Variants in ADAM23 observed in about 807,000 individuals in gnomAD.
ADAM23 encodes ADAM metallopeptidase domain 23, also known as disintegrin and metalloproteinase domain-containing protein 23.
Under a neutral mutation model 120.1 loss-of-function variants are expected in ADAM23, and 33 were observed. The observed-to-expected ratio is 0.27, with a 90% CI of 0.21 to 0.37. The LOEUF is 0.37. Among genes scored for constraint, ADAM23 ranks in the 10% least tolerant of loss-of-function variants. The pLI, the probability that ADAM23 is intolerant of heterozygous loss-of-function variation, is 1.00. For synonymous variants in ADAM23, 367 were observed against 375.2 expected (o/e 0.98, Z 0.25); for missense variants, 862 against 1,058.2 (o/e 0.81, Z 2.57).
At chr2:206,581,383 A>G (rs749651245) in intron 18 of ADAM23, among the ~76,000 whole-genome samples, 1 of 152,132 alleles carries the variant, frequency 6.6e-6, no homozygotes, top group Non-Finnish European at 1.5e-5. Context: ...TCCTGTTAGC[A>G]CCACCTTTGC....
chr2:206,468,929 CA>C (rs1695597328), intron 2 of ADAM23, among the ~76,000 whole-genome samples: 1 of 152,132 alleles, frequency 6.6e-6, no homozygotes, highest in African/African-American at 2.4e-5. Flanking sequence ...TTCACATGGC[CA>C]GAACAGGAGG....
intron 13 of ADAM23, 21 bp downstream of exon 13, chr2:206,562,314 A>G: frequency 6.3e-7 from 1 of 1,586,840 alleles, no homozygotes; most frequent in South Asian, 1.1e-5. Flanking sequence ...TGACCTTCTT[A>G]CTCATTTTCA....
rs550470223 is a variant in ADAM23, at chr2:206,617,900, A to C, written c.*273A>C. 7.0e-5 allele frequency: 30 copies of C among 426,768 alleles called. No homozygotes were observed. The highest frequency in any genetic ancestry group is 3.9e-4 in the African/African-American group (19 of 49,012). 26.4% of individuals were successfully genotyped at this position (426,768 alleles called of 1,614,324 possible). On this transcript the variant is annotated 3_prime_UTR_variant, in exon 26 of 26. Coordinates refer to ENST00000264377, the MANE Select transcript of ADAM23 (RefSeq NM_003812.4). ...CTGTTCCAGAATCTTTTTTTTCCCT[A>C]ATGGACGAAGGAACAACACACACAC...
intron 3 of ADAM23, among the ~76,000 whole-genome samples, chr2:206,530,087 G>T (rs1410806785): frequency 6.6e-6 from 1 of 152,132 alleles, no homozygotes; most frequent in African/African-American, 2.4e-5. Flanking sequence ...GGGATTACAG[G>T]CATGAGTCAC....
chr2:206,525,203 C>G (rs561964486), intron 3 of ADAM23, among the ~76,000 whole-genome samples: 1 of 151,978 alleles, frequency 6.6e-6, no homozygotes, highest in African/African-American at 2.4e-5. Flanking sequence ...TTTTTTTTAC[C>G]TAGTTCTGCT....
chr2:206,490,645 G>A (rs1696114652), intron 3 of ADAM23, among the ~76,000 whole-genome samples: 1 of 152,120 alleles, frequency 6.6e-6, no homozygotes, highest in African/African-American at 2.4e-5. Context: ...TGTCCTAGAG[G>A]CCTGATAGTA....
At chr2:206,602,077 T>G (rs1211056387) in intron 24 of ADAM23, among the ~76,000 whole-genome samples, 1 of 152,220 alleles carries the variant, frequency 6.6e-6, no homozygotes, top group African/African-American at 2.4e-5. Flanking sequence ...CACAAATCTT[T>G]GATTTTATAG....
At chr2:206,585,966 T>C (rs1254254640) in intron 18 of ADAM23, among the ~76,000 whole-genome samples, 1 of 152,356 alleles carries the variant, frequency 6.6e-6, no homozygotes, top group Admixed American at 6.5e-5. Flanking sequence ...GCATAGGTTC[T>C]ATAAAGGCCT....
At position 206,532,676 on chromosome 2, in the gene ADAM23, A is replaced by T. The variant is rs1249414675; in HGVS notation, c.573+1728A>T. ...ACACTATTTTATATCAAGATTTTTT[A>T]AATGTAGCAAAATTTTAAATATTTT... On this transcript the variant is annotated intron_variant, in intron 4 of 25. Coordinates refer to ENST00000264377, the MANE Select transcript of ADAM23 (RefSeq NM_003812.4). Among the ~76,000 whole-genome samples, 25 of 152,154 alleles carry T rather than the reference A, an allele frequency of 1.6e-4. 1 individual carries two copies. The highest frequency in any genetic ancestry group is 1.5e-4 in the Non-Finnish European group (10 of 68,022).
chr2:206,529,668 T>A (rs528756620), intron 3 of ADAM23, among the ~76,000 whole-genome samples: 1 of 152,276 alleles, frequency 6.6e-6, no homozygotes, highest in South Asian at 2.1e-4. Context: ...AAAGCTGAGA[T>A]TACAAGTGTG....
chr2:206,464,581 AAATAAT>A (rs571927947), intron 2 of ADAM23, among the ~76,000 whole-genome samples: 7 of 151,906 alleles, frequency 4.6e-5, no homozygotes, highest in African/African-American at 7.2e-5. Context: ...TCAAAAAAAA[AAATAAT>A]AATAATAATA....
chr2:206,513,084 AAC>A (rs1227359053), intron 3 of ADAM23, among the ~76,000 whole-genome samples: 6 of 152,210 alleles, frequency 3.9e-5, no homozygotes, highest in East Asian at 3.9e-4. Flanking sequence ...TATTCCATGA[AAC>A]ACAACAATTT....
rs554822809 is a variant in ADAM23 at position 206,545,346 on chromosome 2, C to T, written c.720+2030C>T. On this transcript the variant is annotated intron_variant, in intron 6 of 25. Transcript: ENST00000264377. ...ACTAAAAATACAAAAATTAGCTGGG[C>T]GTGGTGACGGGAGCCTGTAATCCCA... Among the ~76,000 whole-genome samples the T allele has an allele frequency of 5.7e-3, 874 of 152,090 alleles. 1 individual carries two copies. The highest frequency in any genetic ancestry group is 8.3e-3 in the Non-Finnish European group (565 of 67,992).
chr2:206,520,972 A>G (rs1696831147), intron 3 of ADAM23, among the ~76,000 whole-genome samples: 1 of 151,606 alleles, frequency 6.6e-6, no homozygotes, highest in Non-Finnish European at 1.5e-5. Context: ...TTCCTGTTTC[A>G]TGGATTTGTA....
chr2:206,502,593 T>G (rs149774838), intron 3 of ADAM23, among the ~76,000 whole-genome samples: 1 of 152,246 alleles, frequency 6.6e-6, no homozygotes, highest in East Asian at 1.9e-4. Context: ...TTAATTGTCT[T>G]TCACATTTAT....
chr2:206,541,949 C>T, intron 4 of ADAM23, 103 bp from the exon 5 acceptor site: 1 of 1,162,260 alleles, frequency 8.6e-7, no homozygotes, highest in Non-Finnish European at 1.3e-6. Context: ...TAATACAGTG[C>T]ACATATATGC....
intron 24 of ADAM23, among the ~76,000 whole-genome samples, chr2:206,604,795 T>G (rs1187189801): frequency 6.6e-5 from 10 of 152,238 alleles, no homozygotes. Context: ...TTCGTTTCAC[T>G]GTCTCAGAGC....
intron 3 of ADAM23, among the ~76,000 whole-genome samples, chr2:206,509,872 A>G (rs1237867204): frequency 6.6e-6 from 1 of 152,266 alleles, no homozygotes; most frequent in Non-Finnish European, 1.5e-5. Flanking sequence ...AAGTATCAGT[A>G]GTGGCTGTGT....
chr2:206,573,345 G>T (rs1698042987), intron 18 of ADAM23, 150 bp downstream of exon 18: 2 of 728,014 alleles, frequency 2.7e-6, no homozygotes, highest in Admixed American at 2.2e-5. Context: ...TTGGGGATGG[G>T]ACTCAAGTCT....
Sources: allele counts gnomAD v4.1 joint callset (sites outside exome capture counted in the v4.1 genomes callset), GRCh38; gene constraint gnomAD v4.1.1; transcripts MANE v1.5; gene names NCBI Gene and HGNC (gene_info 2026-07-23, HGNC 2026-07-21).